Variants in DCAF8 observed in about 807,000 individuals in gnomAD.
DCAF8 encodes the protein DDB1 and CUL4 associated factor 8, also known as DDB1- and CUL4-associated factor 8.
Under a neutral mutation model 68.0 loss-of-function variants are expected in DCAF8, and 20 were observed. The observed-to-expected ratio is 0.29, with a 90% CI of 0.21 to 0.43. The LOEUF (loss-of-function observed/expected upper bound fraction) is 0.43. Ranked by LOEUF, DCAF8 falls within the 20% of genes least tolerant of loss-of-function variation. The probability of loss-of-function intolerance (pLI) is 1.00; values close to 1 mark genes in which losing one functional copy is unlikely to be tolerated. For synonymous variants in DCAF8, 230 were observed against 276.9 expected, an observed-to-expected ratio of 0.83 and a Z score of 1.68; for missense variants, 460 against 771.0, an observed-to-expected ratio of 0.60 and a Z score of 4.78.
At chr1:160,236,446 G>GTATA (rs141525896) in intron 6 of DCAF8, among the ~76,000 whole-genome samples, 17 of 149,612 alleles carry the variant, frequency 1.1e-4, no homozygotes, top group African/African-American at 4.2e-4. Flanking sequence ...GTGTGTGTGT[G>GTATA]TATATATATA....
chr1:160,236,378 G>T (rs1655891312), intron 6 of DCAF8, among the ~76,000 whole-genome samples: 1 of 151,510 alleles, frequency 6.6e-6, no homozygotes. Flanking sequence ...AAACATATAT[G>T]TGTGTGTATA....
In DCAF8 at chr1:160,225,084, A is replaced by C. The variant is rs778846319; in HGVS notation, c.1179T>G (p.Leu393=). ...NSESKANITC[L]VYSHDGTELL... ...TACCTGTGCCGTCGTGGCTGTACAC[A>C]AGACAGGTGATGTTTGCTTTGGACT... is the stretch of plus-strand genomic sequence containing the variant. The change falls in exon 9 of 14, where the codon CTT becomes CTG. Residue 393 remains leucine, a synonymous_variant. Transcript: ENST00000368074. 2.5e-5 allele frequency: 40 copies of C among 1,614,050 alleles called. No homozygotes were observed. The highest frequency in any genetic ancestry group is 3.2e-5 in the Non-Finnish European group (38 of 1,180,036).
Position 160,217,727 on chromosome 1 carries a change from T to C in DCAF8, c.1678-19A>G, listed in dbSNP as rs1655171142. The C allele has an allele frequency of 6.3e-7, 1 of 1,593,610 alleles. No homozygotes were observed. Among genetic ancestry groups the C allele is most frequent in the Non-Finnish European group, 8.6e-7 (1 of 1,161,578 alleles). ...GCCAGCGCTGTGGATGGGAAAGGCT[T>C]GTTAGTAACTTCCCTGGATGGAACA... On this transcript the variant is annotated intron_variant, in intron 13 of 13. Transcript: ENST00000368074.
intron 13 of DCAF8, 67 bp downstream of exon 13, chr1:160,218,257 C>G (rs1490127056): frequency 4.0e-5 from 50 of 1,246,516 alleles, no homozygotes; most frequent in Non-Finnish European, 5.7e-5. Context: ...GAAGTCACTA[C>G]TCTGGAACTT....
Position 160,240,364 on chromosome 1 carries a change from A to C in DCAF8, c.56T>G (p.Leu19Arg). Residue 19 changes from leucine to arginine, a missense_variant, in exon 4 of 14, where the codon CTG (leucine) becomes CGG (arginine). This residue lies in a region of DCAF8 where 156 missense variants were observed against 181.4 expected (regional missense o/e 0.86). Coordinates refer to ENST00000368074, the MANE Select transcript of DCAF8 (RefSeq NM_015726.4). Reference sequence around the variant, plus strand: ...AGACATCTCCTCTGGACTGCTAGACAGGCTTCCTGCATGTTAGTGAGGAAG... The same window carrying C: ...AGACATCTCCTCTGGACTGCTAGACCGGCTTCCTGCATGTTAGTGAGGAAG... ...DGRTDLANGS[L>R]SSSPEEMSGA... 6.2e-7 allele frequency: 1 copy of C among 1,607,220 alleles called. No individual in the cohort carries two copies. The highest frequency in any genetic ancestry group is 8.5e-7 in the Non-Finnish European group (1 of 1,176,268).
At chr1:160,236,449 T>C (rs1415151181) in intron 6 of DCAF8, among the ~76,000 whole-genome samples, 1 of 149,728 alleles carries the variant, frequency 6.7e-6, no homozygotes, top group Non-Finnish European at 1.5e-5. Context: ...TGTGTGTGTA[T>C]ATATATATAT....
At chr1:160,244,482 G>A (rs148434500) in intron 2 of DCAF8, among the ~76,000 whole-genome samples, 2 of 152,204 alleles carry the variant, frequency 1.3e-5, no homozygotes, top group East Asian at 3.9e-4. Flanking sequence ...TACAACACTT[G>A]TTTTCACAAC....
At chr1:160,261,705 G>A (rs1316853894) in intron 1 of DCAF8, 1 of 152,276 alleles carries the variant, frequency 6.6e-6, no homozygotes, top group African/African-American at 2.4e-5. Flanking sequence ...TAGCGCTAGT[G>A]CCGGTTTGTT....
chr1:160,228,092 A>ATT (rs34386233), intron 7 of DCAF8, among the ~76,000 whole-genome samples: 3,347 of 145,268 alleles, frequency 0.023, 114 homozygotes, highest in African/African-American at 0.076. Context: ...TTTTTTCTTA[A>ATT]TTTTTTTTTT....
chr1:160,242,917 A>G (rs1557837734), intron 3 of DCAF8, among the ~76,000 whole-genome samples: 1 of 152,204 alleles, frequency 6.6e-6, no homozygotes, highest in South Asian at 2.1e-4. Context: ...GTGCCTTTCA[A>G]CTAAACCCAG....
At chr1:160,239,563 G>A (rs757803774) in intron 4 of DCAF8, 134 bp downstream of exon 4, 1 of 1,586,160 alleles carries the variant, frequency 6.3e-7, no homozygotes, top group African/African-American at 1.3e-5. Context: ...GTCATTAGGG[G>A]AGCCAAAGTA....
chr1:160,261,612 A>C (rs1231206327), intron 1 of DCAF8: 37 of 152,200 alleles, frequency 2.4e-4, no homozygotes, highest in Admixed American at 2.4e-3. Flanking sequence ...GATAACCTGA[A>C]TCTTTTCAAC....
chr1:160,222,884 A>G, intron 10 of DCAF8, 103 bp from the exon 11 acceptor site: 1 of 1,483,834 alleles, frequency 6.7e-7, no homozygotes, highest in Admixed American at 1.8e-5. Context: ...TAAATCAGCT[A>G]GATTATGCAT....
At position 160,218,520 on chromosome 1, in the gene DCAF8, C is replaced by T; in HGVS notation, c.1561-80G>A. 7 of 1,085,396 alleles carry T rather than the reference C, an allele frequency of 6.4e-6. No individual in the cohort carries two copies. In the South Asian group the frequency reaches 8.9e-5, roughly 14 times the overall value. 67.2% of individuals were successfully genotyped at this position (1,085,396 alleles called of 1,614,324 possible). A position where few individuals can be genotyped will look rare whatever the true frequency, so the allele number is the denominator to read the frequency against. Reference sequence around the variant, plus strand: ...CTGATCAAGAAGGCTGATCTCCTATCCCAATAAAAGCTTCCCTTAAGTTGA... The same window carrying T: ...CTGATCAAGAAGGCTGATCTCCTATTCCAATAAAAGCTTCCCTTAAGTTGA... On this transcript the variant is annotated intron_variant, in intron 12 of 13. Transcript: ENST00000368074.
At chr1:160,225,966 C>G (rs1041468910) in intron 7 of DCAF8, among the ~76,000 whole-genome samples, 1 of 152,180 alleles carries the variant, frequency 6.6e-6, no homozygotes, top group South Asian at 2.1e-4. Context: ...GCCTCAGCCT[C>G]CTAAATAGCT....
chr1:160,224,601 A>C, intron 9 of DCAF8, 52 bp from the exon 10 acceptor site: 1 of 1,453,064 alleles, frequency 6.9e-7, no homozygotes. Flanking sequence ...AAAAGCAGGG[A>C]CCAGGAGGTG....
At chr1:160,247,352 T>G (rs1451190250) in intron 2 of DCAF8, among the ~76,000 whole-genome samples, 1 of 152,260 alleles carries the variant, frequency 6.6e-6, no homozygotes, top group African/African-American at 2.4e-5. Context: ...AGATTTTTCT[T>G]GTCTTAATAA....
chr1:160,255,218 C>A (rs981182670), intron 2 of DCAF8, among the ~76,000 whole-genome samples: 3 of 152,226 alleles, frequency 2.0e-5, no homozygotes, highest in African/African-American at 7.2e-5. Flanking sequence ...GTTCTACGAA[C>A]TGCAGTAAGA....
intron 2 of DCAF8, among the ~76,000 whole-genome samples, chr1:160,260,466 A>C (rs6690637): frequency 0.64 from 97,923 of 151,976 alleles, 33,059 homozygotes; most frequent in African/African-American, 0.86. Flanking sequence ...GTCACTCAAT[A>C]TTTTCCTACT....
Sources: allele counts gnomAD v4.1 joint callset (sites outside exome capture counted in the v4.1 genomes callset), GRCh38; gene constraint gnomAD v4.1.1; regional missense constraint gnomAD v4.1.1; transcripts MANE v1.5; gene names NCBI Gene and HGNC (gene_info 2026-07-23, HGNC 2026-07-21).